Variants in SDF2 observed in about 807,000 individuals in gnomAD.
SDF2 encodes the protein stromal cell derived factor 2.
Under a neutral mutation model 20.5 loss-of-function variants are expected in SDF2, and 12 were observed. That is an observed-to-expected ratio of 0.58 (90% confidence interval 0.37 to 0.95). SDF2 has a LOEUF of 0.95. Among genes scored for constraint, SDF2 ranks in the 40% least tolerant of loss-of-function variants. SDF2 has a pLI of 0.01. For synonymous variants in SDF2, 100 were observed against 101.0 expected (o/e 0.99, Z 0.06); for missense variants, 238 against 263.1 (o/e 0.90, Z 0.66).
At chr17:28,655,551 T>C in intron 1 of SDF2, 68 bp from the exon 2 acceptor site, 1 of 1,394,534 alleles carries the variant, frequency 7.2e-7, no homozygotes, top group Admixed American at 2.2e-5. Flanking sequence ...GACAGAAGCT[T>C]GAGTGCGCTC....
chr17:28,661,199 G>T (rs749009467), intron 1 of SDF2: 89 of 454,494 alleles, frequency 2.0e-4, no homozygotes, highest in Middle Eastern at 9.7e-4. Context: ...AAACTGAGGA[G>T]CAAGTGTAAG....
upstream of SDF2, chr17:28,662,147 G>C (rs758778728): frequency 1.0e-4 from 38 of 371,322 alleles, no homozygotes; most frequent in Non-Finnish European, 1.0e-4. Flanking sequence ...GAGCGGGAGA[G>C]AGAACAAGAA....
chr17:28,661,799 G>C lies in SDF2; in HGVS notation c.78C>G (p.Cys26Trp), dbSNP rs778264283. The C allele has an allele frequency of 1.2e-6, 2 of 1,614,038 alleles. No homozygotes were observed. The highest frequency in any genetic ancestry group is 1.7e-6 in the Non-Finnish European group (2 of 1,179,996). ...TATTGAGTAGCTTCACCACGGAGCC[G>C]CAAGTAACGACACCCAGGCTGGACG... ...VGASSLGVVT[C>W]GSVVKLLNTR... Residue 26 changes from cysteine to tryptophan, a missense_variant, in exon 1 of 3, where the codon TGC becomes TGG. Physicochemically the swap from Cys to Trp is radical, Grantham distance 215 (BLOSUM62 -2). Transcript: ENST00000247020.
chr17:28,657,103 T>C (rs2071969963), intron 1 of SDF2, among the ~76,000 whole-genome samples: 1 of 152,114 alleles, frequency 6.6e-6, no homozygotes, highest in African/African-American at 2.4e-5. Flanking sequence ...CGCATGTGCC[T>C]GTAATCCCAG....
intron 1 of SDF2, among the ~76,000 whole-genome samples, chr17:28,659,151 C>G (rs1193978252): frequency 7.1e-6 from 1 of 140,680 alleles, no homozygotes; most frequent in Non-Finnish European, 1.5e-5. Context: ...GGCAGAGGCG[C>G]TCCTCACTTC....
At chr17:28,649,894 C>T (rs570389896) in intron 2 of SDF2, among the ~76,000 whole-genome samples, 1 of 138,772 alleles carries the variant, frequency 7.2e-6, no homozygotes, top group Non-Finnish European at 1.5e-5. Flanking sequence ...GAGCAAGACC[C>T]CATCTCAAAA....
chr17:28,656,569 C>CA (rs899274345), intron 1 of SDF2, among the ~76,000 whole-genome samples: 4 of 152,062 alleles, frequency 2.6e-5, no homozygotes, highest in Admixed American at 6.6e-5. Flanking sequence ...GCCTGGATGA[C>CA]AGAGCCAGAC....
At chr17:28,652,068 G>A (rs1252455169) in intron 2 of SDF2, among the ~76,000 whole-genome samples, 1 of 152,096 alleles carries the variant, frequency 6.6e-6, no homozygotes, top group Non-Finnish European at 1.5e-5. Context: ...CTACTTGGAA[G>A]GCTGACGCAA....
At chr17:28,657,395 T>C (rs1367945766) in intron 1 of SDF2, among the ~76,000 whole-genome samples, 2 of 151,612 alleles carry the variant, frequency 1.3e-5, no homozygotes, top group African/African-American at 2.4e-5. Context: ...CGTACATATA[T>C]ATATATGTAT....
chr17:28,655,588 C>G, intron 1 of SDF2, 105 bp from the exon 2 acceptor site: 2 of 962,278 alleles, frequency 2.1e-6, no homozygotes, highest in Non-Finnish European at 3.2e-6. Context: ...TGTAACCCAC[C>G]ACCATGACCA....
chr17:28,656,983 C>A (rs2071969002), intron 1 of SDF2, among the ~76,000 whole-genome samples: 1 of 152,066 alleles, frequency 6.6e-6, no homozygotes, highest in Non-Finnish European at 1.5e-5. Flanking sequence ...AATCCCAGCA[C>A]TTTGGGAGGC....
At chr17:28,662,122 G>A (rs765233681), upstream of SDF2, 3 of 423,476 alleles carry the variant, frequency 7.1e-6, no homozygotes, top group Non-Finnish European at 1.3e-5. Flanking sequence ...GCACCCACGA[G>A]ACGAAAGCTT....
In SDF2 at chr17:28,648,750, G is replaced by C; in HGVS notation, c.*239C>G. On this transcript the variant is annotated 3_prime_UTR_variant, in exon 3 of 3. Transcript: ENST00000247020. The stretch of plus-strand genomic sequence containing the variant: ...TTATCAGTACTAATAAAAAGCATCT[G>C]CCCCTTTACCAGCAAGTCCTCTACT... The C allele has an allele frequency of 5.3e-6, 3 of 567,878 alleles. No individual in the cohort carries two copies. The highest frequency in any genetic ancestry group is 9.4e-6 in the Non-Finnish European group (3 of 317,990). The allele number at this position is 567,878 out of a possible 1,614,324, so 35.2% of individuals were successfully genotyped here.
chr17:28,655,218 A>C, intron 2 of SDF2, 69 bp downstream of exon 2: 1 of 1,423,342 alleles, frequency 7.0e-7, no homozygotes, highest in South Asian at 1.2e-5. Flanking sequence ...AACATTTAAG[A>C]ACCAAGAGAT....
intron 1 of SDF2, among the ~76,000 whole-genome samples, chr17:28,656,787 A>G (rs2071967273): frequency 6.6e-6 from 1 of 152,226 alleles, no homozygotes; most frequent in Admixed American, 6.5e-5. Context: ...GTGTCTAATC[A>G]CATAATTTTA....
chr17:28,661,576 C>T (rs527815956), intron 1 of SDF2, 150 bp downstream of exon 1: 2 of 783,312 alleles, frequency 2.6e-6, no homozygotes, highest in Admixed American at 5.3e-5. Flanking sequence ...TGCCTTAGAA[C>T]AATTCAGTTC....
In SDF2 at chr17:28,649,099, CCT is replaced by C. The variant is rs780038328; in HGVS notation, c.524_525del (p.Glu175GlyfsTer25). ...TGACTTGGCTGGGCCATGCCATGCA[CCT>C]CTTTTTGCCCACTGATAGGTCGACC... ...QYGRPISGQK[E>X]VHGMAQPSQN... On this transcript the variant is annotated frameshift_variant, in exon 3 of 3. Transcript: ENST00000247020. LOFTEE classifies it high-confidence loss of function. The C allele has an allele frequency of 2.5e-6, 4 of 1,614,208 alleles. No individual in the cohort carries two copies. In the South Asian group the frequency reaches 4.4e-5, roughly 18 times the overall value.
intron 1 of SDF2, chr17:28,655,817 A>C: frequency 6.1e-6 from 2 of 325,816 alleles, no homozygotes; most frequent in Non-Finnish European, 1.2e-5. Flanking sequence ...AATCAACCCA[A>C]TTAAGGTTGA....
At chr17:28,661,512 G>A (rs1402325383) in intron 1 of SDF2, among the ~76,000 whole-genome samples, 2 of 152,202 alleles carry the variant, frequency 1.3e-5, no homozygotes, top group African/African-American at 4.8e-5. Flanking sequence ...AAAGGACATA[G>A]GTAACGTGCC....
Sources: gnomAD v4.1 joint callset for allele counts (sites outside exome capture counted in the v4.1 genomes callset) on GRCh38, gnomAD v4.1.1 for gene constraint, MANE v1.5 for transcripts, NCBI Gene and HGNC (gene_info 2026-07-23, HGNC 2026-07-21) for gene names.